ASAP2: variants seen among roughly 807,000 people sequenced by gnomAD.
The protein encoded by ASAP2 is ArfGAP with SH3 domain, ankyrin repeat and PH domain 2.
A neutral mutation model predicts 131.4 loss-of-function variants in ASAP2; 45 were observed. The observed-to-expected ratio is 0.34, with a 90% CI of 0.27 to 0.44. The LOEUF (loss-of-function observed/expected upper bound fraction) is 0.44. Ranked by LOEUF, ASAP2 falls within the 20% of genes least tolerant of loss-of-function variation. The probability of loss-of-function intolerance (pLI) is 1.00; values close to 1 mark genes in which losing one functional copy is unlikely to be tolerated. For synonymous variants in ASAP2, 510 were observed against 503.0 expected (o/e 1.01, Z -0.19); for missense variants, 1,011 against 1,297.0 (o/e 0.78, Z 3.39).
At chr2:9,264,988 T>A (rs1249073381) in intron 1 of ASAP2, among the ~76,000 whole-genome samples, 5 of 152,008 alleles carry the variant, frequency 3.3e-5, no homozygotes, top group Non-Finnish European at 7.4e-5. Flanking sequence ...ATTTGAAAAT[T>A]AGCCGGGTGT....
chr2:9,317,157 C>T (rs1026186703), intron 3 of ASAP2, among the ~76,000 whole-genome samples: 2 of 104,154 alleles, frequency 1.9e-5, no homozygotes, highest in African/African-American at 3.4e-5. Context: ...CACCCACTCA[C>T]ATCCACACTC....
intron 11 of ASAP2, among the ~76,000 whole-genome samples, chr2:9,349,049 G>A (rs938439813): frequency 4.6e-5 from 7 of 152,150 alleles, no homozygotes; most frequent in African/African-American, 1.7e-4. Flanking sequence ...AGTGTCTTTA[G>A]CTACAAAATT....
chr2:9,320,247 G>A (rs781624787), intron 4 of ASAP2, 41 bp from the exon 5 acceptor site: 5 of 1,526,364 alleles, frequency 3.3e-6, no homozygotes, highest in Admixed American at 3.4e-5. Context: ...GCACAGAAGT[G>A]AATGATTAGT....
At chr2:9,229,024 G>A (rs1226766264) in intron 1 of ASAP2, among the ~76,000 whole-genome samples, 2 of 152,112 alleles carry the variant, frequency 1.3e-5, no homozygotes, top group Admixed American at 6.5e-5. Flanking sequence ...CACCTGCCTT[G>A]TTACCACGTA....
chr2:9,388,734 T>G (rs1675495024), intron 22 of ASAP2, among the ~76,000 whole-genome samples, 188 bp downstream of exon 22: 1 of 152,210 alleles, frequency 6.6e-6, no homozygotes, highest in African/African-American at 2.4e-5. Flanking sequence ...TCTCTTGATT[T>G]GACTCTTATT....
Position 9,217,698 on chromosome 2 carries a change from T to G in ASAP2, c.126+10468T>G, listed in dbSNP as rs980521899. Among the ~76,000 whole-genome samples, 4 of 151,728 alleles carry G rather than the reference T, an allele frequency of 2.6e-5. No individual in the cohort carries two copies. Among genetic ancestry groups the G allele is most frequent in the African/African-American group, 4.8e-5 (2 of 41,240 alleles). ...GGCACAATCTCGGCTCACTGCAAGC[T>G]CCGCCTCCTGGGTTCACGCCATTCT... On this transcript the variant is annotated intron_variant, in intron 1 of 27. Coordinates refer to ENST00000281419, the MANE Select transcript of ASAP2 (RefSeq NM_003887.3). This position sits in a 1 kb window ranked among gnomAD's most constrained non-coding sequence, Gnocchi z 4.0.
At chr2:9,391,755 T>G (rs896432533) in intron 23 of ASAP2, among the ~76,000 whole-genome samples, 3 of 150,634 alleles carry the variant, frequency 2.0e-5, no homozygotes, top group African/African-American at 7.3e-5. Flanking sequence ...TTTTTTTTTT[T>G]TGTATTTTTA....
At chr2:9,335,900 G>C (rs1572484152) in intron 9 of ASAP2, 1 of 152,268 alleles carries the variant, frequency 6.6e-6, no homozygotes, top group Non-Finnish European at 1.5e-5. Flanking sequence ...AGTGATTTTA[G>C]AGAAATTGCT....
At chr2:9,310,190 T>C (rs1378465150) in intron 3 of ASAP2, among the ~76,000 whole-genome samples, 3 of 152,248 alleles carry the variant, frequency 2.0e-5, no homozygotes, top group Non-Finnish European at 4.4e-5. Context: ...TTAACTCTTA[T>C]GACTGAGCAG....
intron 24 of ASAP2, 95 bp from the exon 25 acceptor site, chr2:9,399,928 G>A: frequency 7.6e-7 from 1 of 1,319,888 alleles, no homozygotes; most frequent in East Asian, 2.3e-5. Flanking sequence ...CACACACTCT[G>A]AGCTTGAACT....
At chr2:9,210,932 G>C (rs1204837026) in intron 1 of ASAP2, among the ~76,000 whole-genome samples, 1 of 151,882 alleles carries the variant, frequency 6.6e-6, no homozygotes, top group Non-Finnish European at 1.5e-5. Context: ...AAGGCGGGCA[G>C]ATCACTTGGG....
chr2:9,253,871 G>A (rs190471919), intron 1 of ASAP2, among the ~76,000 whole-genome samples: 49 of 152,056 alleles, frequency 3.2e-4, no homozygotes, highest in African/African-American at 1.2e-3. Context: ...TACATACAAC[G>A]AGATATTTTG....
intron 18 of ASAP2, among the ~76,000 whole-genome samples, chr2:9,378,597 C>T (rs953798069): frequency 9.8e-5 from 15 of 152,334 alleles, no homozygotes; most frequent in South Asian, 2.1e-4. Context: ...GCAGCCTCGG[C>T]GCAGCCAGTG....
At chr2:9,387,169 G>T (rs1675340218) in intron 21 of ASAP2, among the ~76,000 whole-genome samples, 1 of 141,906 alleles carries the variant, frequency 7.0e-6, no homozygotes, top group South Asian at 2.2e-4. Flanking sequence ...AGCTGGGATT[G>T]CGCCACTGCA....
intron 1 of ASAP2, among the ~76,000 whole-genome samples, chr2:9,243,386 G>T (rs936402093): frequency 3.3e-5 from 5 of 152,172 alleles, no homozygotes; most frequent in Admixed American, 6.5e-5. Context: ...GGGATTACAG[G>T]CATGAGCCAC....
rs1558395229 is a variant in ASAP2 at position 9,389,297 on chromosome 2, T to C, written c.2383+751T>C. 1.3e-5 allele frequency among the ~76,000 whole-genome samples: 2 copies of C among 151,904 alleles called. No individual in the cohort carries two copies. Among genetic ancestry groups the C allele is most frequent in the African/African-American group, 2.4e-5 (1 of 41,332 alleles). ...CATGGCCTTCAGAGGGTTTCCCACA[T>C]GAAGGAGGCTGCTGAGACTTTGATG... is the stretch of plus-strand genomic sequence containing the variant. On this transcript the variant is annotated intron_variant, in intron 22 of 27. Coordinates refer to ENST00000281419, the MANE Select transcript of ASAP2 (RefSeq NM_003887.3). The surrounding 1 kb of genome is among the most constrained non-coding windows in gnomAD (Gnocchi z 4.7).
rs1558405694 is a variant in ASAP2, at chr2:9,400,198, GCCCCCTCCCCTCCT to G, written c.2734+127_2734+140del. The G allele has an allele frequency of 4.4e-5, 39 of 885,270 alleles. 1 individual carries two copies. In the African/African-American group the frequency reaches 7.4e-4, roughly 17 times the overall value. 54.8% of individuals were successfully genotyped at this position (885,270 alleles called of 1,614,324 possible). A position where few individuals can be genotyped will look rare whatever the true frequency, so the allele number is the denominator to read the frequency against. The stretch of plus-strand genomic sequence containing the variant: ...CTGTCTGCCATTCCACAGCCCTCCT[GCCCCCTCCCCTCCT>G]GCCCCCTCCCCTCCTGCCCCCTCCC... On this transcript the variant is annotated intron_variant, in intron 25 of 27. Coordinates refer to ENST00000281419, the MANE Select transcript of ASAP2 (RefSeq NM_003887.3).
chr2:9,401,145 TGGCATCTGCAG>T, intron 26 of ASAP2, 118 bp from the exon 27 acceptor site: 1 of 1,166,784 alleles, frequency 8.6e-7, no homozygotes, highest in Middle Eastern at 2.0e-4. Context: ...TGCCCCACCT[TGGCATCTGCAG>T]GCTTCTCAGG....
At chr2:9,269,652 C>T (rs142979861) in intron 1 of ASAP2, among the ~76,000 whole-genome samples, 15 of 152,302 alleles carry the variant, frequency 9.8e-5, no homozygotes, top group African/African-American at 2.4e-4. Context: ...GGCCCATGAA[C>T]GGAGGAAGAG....
Sources: gnomAD v4.1 joint callset for allele counts (sites outside exome capture counted in the v4.1 genomes callset) on GRCh38, gnomAD v4.1.1 for gene constraint, Gnocchi (gnomAD v3.1) non-coding constraint, MANE v1.5 for transcripts, NCBI Gene and HGNC (gene_info 2026-07-23, HGNC 2026-07-21) for gene names.